The following NEGR1 variants were observed in gnomAD, a reference collection of about 807,000 sequenced individuals.
NEGR1 encodes IgLON family member 4.
Under a neutral mutation model 40.9 loss-of-function variants are expected in NEGR1, and 10 were observed. The ratio of observed to expected loss-of-function variants is 0.24; its 90% CI spans 0.15 to 0.42. The LOEUF (loss-of-function observed/expected upper bound fraction) is 0.42, where lower values mean the gene tolerates loss of function less well. Among genes scored for constraint, NEGR1 ranks in the 10% least tolerant of loss-of-function variants. NEGR1 has a pLI of 1.00. For missense variants in NEGR1, 352 were observed against 438.9 expected, an observed-to-expected ratio of 0.80 and a Z score of 1.77; for synonymous variants, 185 against 166.8, an observed-to-expected ratio of 1.11 and a Z score of -0.84.
intron 1 of NEGR1, among the ~76,000 whole-genome samples, chr1:72,004,816 T>C (rs1187233324): frequency 6.6e-6 from 1 of 152,172 alleles, no homozygotes; most frequent in Non-Finnish European, 1.5e-5. Context: ...CATTTCAATA[T>C]CCTGGAGATT....
intron 3 of NEGR1, among the ~76,000 whole-genome samples, chr1:71,713,241 T>C (rs1654165985): frequency 6.6e-6 from 1 of 152,216 alleles, no homozygotes; most frequent in African/African-American, 2.4e-5. Context: ...TTTTCTGCCA[T>C]ATCGATGTGT....
chr1:71,802,341 C>T (rs1219543741), intron 2 of NEGR1, among the ~76,000 whole-genome samples: 1 of 152,000 alleles, frequency 6.6e-6, no homozygotes, highest in Non-Finnish European at 1.5e-5. Context: ...AAGAGATTGC[C>T]CATGGATTTA....
chr1:71,411,836 C>G (rs1646323477), intron 6 of NEGR1, among the ~76,000 whole-genome samples: 1 of 151,986 alleles, frequency 6.6e-6, no homozygotes, highest in South Asian at 2.1e-4. Flanking sequence ...CCCGCCTCTA[C>G]TAAAAATACA....
At chr1:71,957,450 T>TTTGGTATTTTTATGGATA (rs1646128590) in intron 1 of NEGR1, among the ~76,000 whole-genome samples, 1 of 152,148 alleles carries the variant, frequency 6.6e-6, no homozygotes, top group Non-Finnish European at 1.5e-5. Flanking sequence ...CCAATTGATA[T>TTTGGTATTTTTATGGATA]ATACTTGGTA....
intron 1 of NEGR1, among the ~76,000 whole-genome samples, chr1:72,264,736 C>G (rs1009640750): frequency 6.6e-6 from 1 of 150,466 alleles, no homozygotes; most frequent in African/African-American, 2.4e-5. Context: ...GAAAATACAG[C>G]CCCTACTAAC....
intron 1 of NEGR1, among the ~76,000 whole-genome samples, chr1:72,048,340 T>C (rs1647022294): frequency 6.6e-6 from 1 of 151,644 alleles, no homozygotes; most frequent in African/African-American, 2.4e-5. Context: ...TTTTTGTACC[T>C]CAGAAAGCTG....
At chr1:72,191,826 G>T (rs907001399) in intron 1 of NEGR1, among the ~76,000 whole-genome samples, 2 of 151,810 alleles carry the variant, frequency 1.3e-5, no homozygotes, top group African/African-American at 4.8e-5. Context: ...CCATGGGGTA[G>T]AGGGAAACAG....
intron 4 of NEGR1, among the ~76,000 whole-genome samples, chr1:71,666,826 A>G (rs1480734731): frequency 6.6e-6 from 1 of 152,130 alleles, no homozygotes; most frequent in Non-Finnish European, 1.5e-5. Flanking sequence ...TTTAAGTTTC[A>G]TTGCAAACCA....
At chr1:72,134,510 T>G (rs1165441654) in intron 1 of NEGR1, among the ~76,000 whole-genome samples, 1 of 151,840 alleles carries the variant, frequency 6.6e-6, no homozygotes, top group Non-Finnish European at 1.5e-5. Flanking sequence ...GGCTATTTTT[T>G]GGGGAAATAT....
At chr1:71,847,825 T>C (rs999111708) in intron 2 of NEGR1, among the ~76,000 whole-genome samples, 3 of 152,122 alleles carry the variant, frequency 2.0e-5, no homozygotes, top group South Asian at 2.1e-4. Context: ...AATCAGAAAC[T>C]AGAAATGATT....
At chr1:71,562,959 T>G (rs998641240) in intron 6 of NEGR1, among the ~76,000 whole-genome samples, 2 of 151,942 alleles carry the variant, frequency 1.3e-5, no homozygotes, top group Non-Finnish European at 2.9e-5. Flanking sequence ...TAAGATGTGG[T>G]GCACATCACT....
intron 3 of NEGR1, among the ~76,000 whole-genome samples, chr1:71,752,987 TA>T (rs1225598517): frequency 6.6e-6 from 1 of 152,192 alleles, no homozygotes; most frequent in African/African-American, 2.4e-5. Context: ...ATTTATATTC[TA>T]TATCTTCCTT....
At chr1:71,624,232 C>A (rs1231443800) in intron 4 of NEGR1, among the ~76,000 whole-genome samples, 2 of 151,888 alleles carry the variant, frequency 1.3e-5, no homozygotes, top group Non-Finnish European at 2.9e-5. Context: ...GTTGATTCTG[C>A]CTTTAAAATG....
intron 3 of NEGR1, among the ~76,000 whole-genome samples, chr1:71,711,248 G>T (rs902940171): frequency 1.3e-5 from 2 of 150,022 alleles, no homozygotes; most frequent in Non-Finnish European, 3.0e-5. Flanking sequence ...GGGAGGCTGA[G>T]GCAGGAGAAG....
chr1:71,716,946 C>T (rs1557625378), intron 3 of NEGR1, among the ~76,000 whole-genome samples: 1 of 152,012 alleles, frequency 6.6e-6, no homozygotes, highest in Non-Finnish European at 1.5e-5. Flanking sequence ...GGAAGAACTG[C>T]CTCCCCCCAC....
At chr1:72,120,637 T>A (rs1649764795) in intron 1 of NEGR1, among the ~76,000 whole-genome samples, 1 of 152,028 alleles carries the variant, frequency 6.6e-6, no homozygotes. Context: ...ATTAGGTGTA[T>A]CTCCCAATGC....
intron 1 of NEGR1, among the ~76,000 whole-genome samples, chr1:72,103,371 T>C (rs1368572415): frequency 1.3e-5 from 2 of 152,088 alleles, no homozygotes; most frequent in Non-Finnish European, 2.9e-5. Flanking sequence ...GCATAATTAA[T>C]GATTTAATAA....
At chr1:71,483,628 C>T (rs1439219045) in intron 6 of NEGR1, among the ~76,000 whole-genome samples, 1 of 151,680 alleles carries the variant, frequency 6.6e-6, no homozygotes, top group Non-Finnish European at 1.5e-5. Flanking sequence ...AACTCTTATC[C>T]ACTGGTAGTG....
intron 1 of NEGR1, among the ~76,000 whole-genome samples, chr1:72,215,218 G>T (rs529916554): frequency 6.6e-6 from 1 of 152,230 alleles, no homozygotes; most frequent in South Asian, 2.1e-4. Context: ...ATTAACTCAA[G>T]ATGGATTAGA....
Sources: allele counts gnomAD v4.1 joint callset (sites outside exome capture counted in the v4.1 genomes callset), GRCh38; gene constraint gnomAD v4.1.1; transcripts MANE v1.5; gene names NCBI Gene and HGNC (gene_info 2026-07-23, HGNC 2026-07-21).